Variants in LVRN observed in about 807,000 individuals in gnomAD.
LVRN encodes the protein laeverin, also known as aminopeptidase Q.
In LVRN, 99 loss-of-function variants were observed where a neutral mutation model predicts 111.4. The ratio of observed to expected loss-of-function variants is 0.89; its 90% CI spans 0.76 to 1.05. The LOEUF (loss-of-function observed/expected upper bound fraction) is 1.05, where lower values mean the gene tolerates loss of function less well. Among genes scored for constraint, LVRN ranks in the 50% least tolerant of loss-of-function variants. LVRN has a pLI of 0.00. For missense variants in LVRN, 1,414 were observed against 1,206.8 expected (o/e 1.17, Z -2.54); for synonymous variants, 488 against 449.5 (o/e 1.09, Z -1.08).
chr5:115,983,047 A>C (rs182978065), intron 1 of LVRN, among the ~76,000 whole-genome samples: 2 of 152,284 alleles, frequency 1.3e-5, no homozygotes, highest in East Asian at 3.9e-4. Context: ...CGATGTAATA[A>C]AACAAATATT....
chr5:115,969,642 G>GA (rs1183050397), intron 1 of LVRN, among the ~76,000 whole-genome samples: 9 of 151,006 alleles, frequency 6.0e-5, no homozygotes, highest in Non-Finnish European at 1.0e-4. Context: ...CTAAAAATAC[G>GA]AAAAAAAATT....
At chr5:115,986,164 C>T (rs952253410) in intron 3 of LVRN, among the ~76,000 whole-genome samples, 3 of 152,230 alleles carry the variant, frequency 2.0e-5, no homozygotes, top group Non-Finnish European at 4.4e-5. Context: ...AGGCTGTTGG[C>T]TCCAGTCTGA....
Position 116,010,783 on chromosome 5 carries a change from G to C in LVRN, c.2136G>C (p.Lys712Asn). 6.2e-7 allele frequency: 1 copy of C among 1,609,504 alleles called. No individual in the cohort carries two copies. Among genetic ancestry groups the C allele is most frequent in the Non-Finnish European group, 8.5e-7 (1 of 1,178,554 alleles). ...IEIETALELT[K>N]YLAEEDEIIV... Reference sequence around the variant, plus strand: ...TTGAAACAGCACTTGAGTTAACCAAGTACCTTGCTGAAGAAGATGAAATTA... The same window carrying C: ...TTGAAACAGCACTTGAGTTAACCAACTACCTTGCTGAAGAAGATGAAATTA... The change falls in exon 14 of 20, where the codon AAG (lysine) becomes AAC (asparagine). Residue 712 changes from lysine to asparagine, a missense_variant. Physicochemically the swap from Lys to Asn is moderately conservative, Grantham distance 94. Transcript: ENST00000357872.
At chr5:116,002,963 G>A (rs1748268636) in intron 11 of LVRN, 52 bp downstream of exon 11, 14 of 1,366,188 alleles carry the variant, frequency 1.0e-5, no homozygotes, top group Admixed American at 2.0e-5. Flanking sequence ...TGTAAAGGCA[G>A]GGAATAAAAT....
chr5:115,993,200 G>GTTT lies in LVRN; in HGVS notation c.1261-532_1261-530dup, dbSNP rs35417462. 5.1e-4 allele frequency among the ~76,000 whole-genome samples: 76 copies of GTTT among 148,774 alleles called. 1 individual carries two copies. The highest frequency in any genetic ancestry group is 1.4e-3 in the Admixed American group (21 of 14,922). ...TTCTGTTCATCATCCATTTGACACTGTTTTTTTTTTTCTGTTCAGTTCAAA... is the reference window on the plus strand; with the variant it reads ...TTCTGTTCATCATCCATTTGACACTGTTTTTTTTTTTTTTCTGTTCAGTTCAAA... On this transcript the variant is annotated intron_variant, in intron 5 of 19. Transcript: ENST00000357872.
intron 6 of LVRN, among the ~76,000 whole-genome samples, chr5:115,996,295 C>G (rs1442969092): frequency 6.6e-6 from 1 of 152,206 alleles, no homozygotes; most frequent in African/African-American, 2.4e-5. Context: ...TCTTGCAAAA[C>G]TTGCCAAAAA....
intron 5 of LVRN, among the ~76,000 whole-genome samples, chr5:115,992,985 C>A (rs1748027713): frequency 1.3e-5 from 2 of 152,168 alleles, no homozygotes; most frequent in South Asian, 4.1e-4. Context: ...TTGATTAATA[C>A]CCTGGTGCAC....
intron 18 of LVRN, among the ~76,000 whole-genome samples, chr5:116,018,899 G>A (rs1748657234): frequency 6.6e-6 from 1 of 151,966 alleles, no homozygotes; most frequent in Admixed American, 6.6e-5. Flanking sequence ...AAATTAAGCA[G>A]ACAGAGTTCC....
At chr5:115,995,803 A>C (rs1395324105) in intron 6 of LVRN, among the ~76,000 whole-genome samples, 1 of 152,228 alleles carries the variant, frequency 6.6e-6, no homozygotes, top group African/African-American at 2.4e-5. Context: ...AGAAGCATTA[A>C]GTAAGTTGCT....
intron 18 of LVRN, chr5:116,020,069 A>G (rs1177835336): frequency 6.6e-6 from 1 of 152,312 alleles, no homozygotes; most frequent in Non-Finnish European, 1.5e-5. Flanking sequence ...CCTAATCTGG[A>G]AATACATTTT....
intron 1 of LVRN, among the ~76,000 whole-genome samples, chr5:115,969,528 T>C (rs897483238): frequency 5.9e-5 from 9 of 152,202 alleles, no homozygotes; most frequent in African/African-American, 2.2e-4. Context: ...CCTGGTATGG[T>C]GGCTCACGCC....
intron 18 of LVRN, chr5:116,021,896 C>T (rs1256995854): frequency 9.2e-6 from 3 of 325,930 alleles, no homozygotes; most frequent in Non-Finnish European, 1.8e-5. Flanking sequence ...CCATGGTGCT[C>T]AGCCTTCAGG....
chr5:116,008,251 G>A (rs1388730563), intron 13 of LVRN, among the ~76,000 whole-genome samples: 1 of 152,180 alleles, frequency 6.6e-6, no homozygotes, highest in Non-Finnish European at 1.5e-5. Flanking sequence ...GGCTGAGGCA[G>A]GAGAATGGCA....
chr5:115,997,121 T>A (rs1202120078), intron 6 of LVRN, among the ~76,000 whole-genome samples: 1 of 152,180 alleles, frequency 6.6e-6, no homozygotes, highest in Non-Finnish European at 1.5e-5. Flanking sequence ...TCCGTTGTGC[T>A]TGGAACATCA....
At chr5:115,971,970 C>T (rs940439483) in intron 1 of LVRN, among the ~76,000 whole-genome samples, 17 of 151,954 alleles carry the variant, frequency 1.1e-4, no homozygotes, top group African/African-American at 4.1e-4. Context: ...ATATATCTCT[C>T]TACTTATTTA....
intron 1 of LVRN, among the ~76,000 whole-genome samples, chr5:115,970,523 C>CA (rs1753302059): frequency 6.6e-6 from 1 of 151,842 alleles, no homozygotes; most frequent in Admixed American, 6.6e-5. Context: ...GCTGGGATTA[C>CA]AGGCACGCGC....
intron 4 of LVRN, among the ~76,000 whole-genome samples, chr5:115,989,192 C>A (rs1747930512): frequency 6.6e-6 from 1 of 152,112 alleles, no homozygotes; most frequent in South Asian, 2.1e-4. Context: ...TCTGTGTGAC[C>A]TCCCATTTCC....
chr5:115,963,115 TG>T lies in LVRN; in HGVS notation c.501del (p.Asn168ThrfsTer29). 1.2e-6 allele frequency: 2 copies of T among 1,613,532 alleles called. No individual in the cohort carries two copies. The highest frequency in any genetic ancestry group is 1.7e-6 in the Non-Finnish European group (2 of 1,179,924). ...TGCGGGGACCCCTTTCCCCGGGCAC[TG>T]GGAACGCCACAGTGGGCCGCGTGCC... ...EVRGPLSPGT[G>X]NATVGRVPVD... On this transcript the variant is annotated frameshift_variant, in exon 1 of 20. Transcript: ENST00000357872. LOFTEE classifies it high-confidence loss of function.
chr5:116,004,616 G>A (rs1748316414), intron 12 of LVRN, among the ~76,000 whole-genome samples: 1 of 152,114 alleles, frequency 6.6e-6, no homozygotes, highest in East Asian at 1.9e-4. Context: ...TAAGAATATG[G>A]GGAAAAAAAA....
Sources: gnomAD v4.1 joint callset for allele counts (sites outside exome capture counted in the v4.1 genomes callset) on GRCh38, gnomAD v4.1.1 for gene constraint, MANE v1.5 for transcripts, NCBI Gene and HGNC (gene_info 2026-07-23, HGNC 2026-07-21) for gene names.